Variants in OSER1 observed in about 807,000 individuals in gnomAD.
The protein encoded by OSER1 is oxidative stress-responsive serine-rich protein 1.
OSER1 carries 15 observed loss-of-function variants against 26.3 expected under a neutral mutation model. The ratio of observed to expected loss-of-function variants is 0.57; its 90% CI spans 0.38 to 0.88. OSER1 has a LOEUF of 0.88. Among genes scored for constraint, OSER1 ranks in the 40% least tolerant of loss-of-function variants. The pLI is 0.00. For synonymous variants in OSER1, 127 were observed against 128.2 expected (o/e 0.99, Z 0.07); for missense variants, 313 against 353.9 (o/e 0.88, Z 0.93).
At chr20:44,207,727 A>G (rs1011627079) in intron 1 of OSER1, 8 of 152,250 alleles carry the variant, frequency 5.3e-5, no homozygotes, top group Non-Finnish European at 8.8e-5. Flanking sequence ...TAGCCTAAAG[A>G]AAGGTTGAAA....
At chr20:44,199,472 A>C (rs2072958570) in intron 3 of OSER1, among the ~76,000 whole-genome samples, 1 of 152,226 alleles carries the variant, frequency 6.6e-6, no homozygotes, top group South Asian at 2.1e-4. Context: ...TGTAAGAAAT[A>C]AGTCTCTTTA....
chr20:44,201,379 T>C (rs2072980300), intron 3 of OSER1, among the ~76,000 whole-genome samples: 1 of 152,206 alleles, frequency 6.6e-6, no homozygotes, highest in East Asian at 1.9e-4. Context: ...TATTTACCAA[T>C]AGGACCTGAT....
intron 2 of OSER1, among the ~76,000 whole-genome samples, chr20:44,204,841 AC>A (rs899953206): frequency 2.0e-5 from 3 of 151,636 alleles, no homozygotes; most frequent in African/African-American, 7.3e-5. Context: ...GCTTAATTTT[AC>A]TTTTTTTTTT....
chr20:44,203,160 A>G (rs2073000676), intron 2 of OSER1, 86 bp from the exon 3 acceptor site: 1 of 638,888 alleles, frequency 1.6e-6, no homozygotes. Flanking sequence ...TACAACTTTT[A>G]TCAATACATT....
intron 2 of OSER1, 103 bp from the exon 3 acceptor site, chr20:44,203,177 T>C (rs2073000971): frequency 1.7e-6 from 1 of 594,240 alleles, no homozygotes; most frequent in South Asian, 2.2e-5. Context: ...CATTTTTTTT[T>C]CTAGTTTGGG....
At chr20:44,205,300 A>C (rs986328780) in intron 2 of OSER1, among the ~76,000 whole-genome samples, 1 of 152,214 alleles carries the variant, frequency 6.6e-6, no homozygotes, top group African/African-American at 2.4e-5. Flanking sequence ...AAGAAATCAC[A>C]AAGGATACAC....
chr20:44,207,732 T>C (rs1231350833), intron 1 of OSER1: 6 of 151,886 alleles, frequency 4.0e-5, no homozygotes, highest in Non-Finnish European at 8.8e-5. Context: ...TAAAGAAAGG[T>C]TGAAAGTAAA....
rs566587726 is a variant in OSER1 at position 44,200,955 on chromosome 20, TATA to T, written c.191+2003_191+2005del. 2.8e-3 allele frequency among the ~76,000 whole-genome samples: 424 copies of T among 152,334 alleles called. 1 individual carries two copies. Among genetic ancestry groups the T allele is most frequent in the South Asian group, 5.6e-3 (27 of 4,830 alleles). On this transcript the variant is annotated intron_variant, in intron 3 of 3. Transcript: ENST00000255174. ...GAGAAAATAACTGTCAATCTAGAAA[TATA>T]ATGTCAACTATATCAACTCTATCTT... is the stretch of plus-strand genomic sequence containing the variant.
In OSER1 at chr20:44,197,547, C is replaced by T. The variant is rs1157883367; in HGVS notation, c.384G>A (p.Glu128=). The change falls in exon 4 of 4, where the codon GAG becomes GAA. Residue 128 remains glutamate, a synonymous_variant. Transcript: ENST00000255174. ...SSGLGISSPK[E]FSAGESSTSL... ...AAGTAGAGCTTTCTCCTGCACTGAA[C>T]TCTTTAGGGGATGAAATTCCCAGCC... 1.3e-5 allele frequency: 21 copies of T among 1,614,044 alleles called. No homozygotes were observed. Among genetic ancestry groups the T allele is most frequent in the Admixed American group, 5.0e-5 (3 of 60,014 alleles).
chr20:44,196,831 GGAT>G lies in OSER1; in HGVS notation c.*218_*220del, dbSNP rs1167489210. 3 of 476,572 alleles carry G rather than the reference GGAT, an allele frequency of 6.3e-6. No homozygotes were observed. In the East Asian group the frequency reaches 9.9e-5, roughly 16 times the overall value. The allele number at this position is 476,572 out of a possible 1,614,324, so 29.5% of individuals were successfully genotyped here. A position where few individuals can be genotyped will look rare whatever the true frequency, so the allele number is the denominator to read the frequency against. ...CCCCAGGAACATTTCTAAATAAGGG[GGAT>G]TTTTCTTTGATCTGCTCGCCTTGAA... On this transcript the variant is annotated 3_prime_UTR_variant, in exon 4 of 4. Coordinates refer to ENST00000255174, the MANE Select transcript of OSER1 (RefSeq NM_016470.8).
chr20:44,210,941 A>T (rs937830911), upstream of OSER1: 3 of 152,074 alleles, frequency 2.0e-5, no homozygotes, highest in African/African-American at 7.2e-5. Flanking sequence ...CGCCTCTCCA[A>T]CGCCCCGCAC....
In OSER1 at chr20:44,197,088, C is replaced by T. The variant is rs780105767; in HGVS notation, c.843G>A (p.Lys281=). 4 of 1,612,864 alleles carry T rather than the reference C, an allele frequency of 2.5e-6. No individual in the cohort carries two copies. The South Asian group carries it at 3.3e-5, about 13-fold the overall frequency. The change falls in exon 4 of 4, where the codon AAG becomes AAA. Residue 281 remains lysine (K), a synonymous_variant. Transcript: ENST00000255174. ...GYMEYYLYIP[K]KMSHMAEMMY... ...TCATTTCTGCCATGTGGGACATTTT[C>T]TTGGGAATATACAAGTAATACTCCA...
At chr20:44,211,136 C>T (rs1295057998), upstream of OSER1, 1 of 152,392 alleles carries the variant, frequency 6.6e-6, no homozygotes. Context: ...CCCGGGATCT[C>T]CTTGCGCTCG....
intron 3 of OSER1, among the ~76,000 whole-genome samples, chr20:44,200,510 T>C (rs548922148): frequency 5.9e-5 from 9 of 152,182 alleles, no homozygotes; most frequent in Admixed American, 3.9e-4. Flanking sequence ...AAATTTACCA[T>C]ACGGTGCTTT....
At chr20:44,203,808 T>C (rs770372426) in intron 2 of OSER1, among the ~76,000 whole-genome samples, 41 of 151,974 alleles carry the variant, frequency 2.7e-4, no homozygotes, top group Admixed American at 1.9e-3. Flanking sequence ...TGAAAGGATG[T>C]TCAACAAAAC....
intron 3 of OSER1, among the ~76,000 whole-genome samples, chr20:44,201,409 C>A (rs2072980847): frequency 6.6e-6 from 1 of 152,022 alleles, no homozygotes; most frequent in African/African-American, 2.4e-5. Context: ...CATCGGGGGC[C>A]CTTTCAAATG....
chr20:44,200,230 TGGA>T (rs1170020400), intron 3 of OSER1, among the ~76,000 whole-genome samples: 3 of 152,216 alleles, frequency 2.0e-5, no homozygotes, highest in Non-Finnish European at 4.4e-5. Context: ...CTGGGATCTC[TGGA>T]GGAGAAAAGA....
chr20:44,201,200 A>G (rs1213967099), intron 3 of OSER1, among the ~76,000 whole-genome samples: 6 of 152,232 alleles, frequency 3.9e-5, no homozygotes, highest in Non-Finnish European at 7.3e-5. Flanking sequence ...GGTAGGTATT[A>G]TAAGTACTCT....
intron 2 of OSER1, among the ~76,000 whole-genome samples, chr20:44,203,694 TCACACACACACACACACACACA>T (rs139060435): frequency 2.1e-5 from 3 of 145,362 alleles, no homozygotes; most frequent in Admixed American, 2.1e-4. Context: ...CAGACTTTTT[TCACACACACACACACACACACA>T]CACACACACA....
Sources: gnomAD v4.1 joint callset for allele counts (sites outside exome capture counted in the v4.1 genomes callset) on GRCh38, gnomAD v4.1.1 for gene constraint, MANE v1.5 for transcripts, NCBI Gene and HGNC (gene_info 2026-07-23, HGNC 2026-07-21) for gene names.